UBR2: variants seen among roughly 807,000 people sequenced by gnomAD.
UBR2 encodes the protein ubiquitin protein ligase E3 component n-recognin 2.
Under a neutral mutation model 247.9 loss-of-function variants are expected in UBR2, and 92 were observed. That is an observed-to-expected ratio of 0.37 (90% CI 0.31 to 0.44). The LOEUF (loss-of-function observed/expected upper bound fraction) is 0.44. Among genes scored for constraint, UBR2 ranks in the 20% least tolerant of loss-of-function variants. The pLI is 1.00. For synonymous variants in UBR2, 672 were observed against 693.5 expected, an observed-to-expected ratio of 0.97 and a Z score of 0.49; for missense variants, 1,613 against 2,112.6, an observed-to-expected ratio of 0.76 and a Z score of 4.64.
intron 28 of UBR2, 44 bp downstream of exon 28, chr6:42,658,364 A>G: frequency 6.5e-7 from 1 of 1,540,490 alleles, no homozygotes; most frequent in Non-Finnish European, 8.8e-7. Context: ...AATTACAGCA[A>G]GTTCAGTATG....
chr6:42,639,468 C>A (rs145886492), intron 15 of UBR2, among the ~76,000 whole-genome samples: 1 of 152,324 alleles, frequency 6.6e-6, no homozygotes, highest in Non-Finnish European at 1.5e-5. Context: ...TGGAGTGCAC[C>A]TGTAGTCCCA....
intron 26 of UBR2, among the ~76,000 whole-genome samples, chr6:42,657,521 A>G (rs756653079): frequency 1.6e-4 from 25 of 152,232 alleles, no homozygotes; most frequent in Admixed American, 2.6e-4. Flanking sequence ...AAGAAAATCA[A>G]TAGTTGAACT....
chr6:42,678,593 A>G lies in UBR2; in HGVS notation c.4533A>G (p.Gly1511=). 1.2e-6 allele frequency: 2 copies of G among 1,614,026 alleles called. No individual in the cohort carries two copies. Among genetic ancestry groups the G allele is most frequent in the Non-Finnish European group, 1.7e-6 (2 of 1,179,950 alleles). Residue 1511 remains glycine, a synonymous_variant, in exon 41 of 47, where the codon GGA becomes GGG. Transcript: ENST00000372901. ...ATCTGTGGAGGAGTGTCAGAGCTGGAATCATGCCTTTCCTGAAGTGTTCTG... is the reference window on the plus strand; with the variant it reads ...ATCTGTGGAGGAGTGTCAGAGCTGGGATCATGCCTTTCCTGAAGTGTTCTG... ...GWHLWRSVRA[G]IMPFLKCSAL... is the part of the protein sequence containing the mutation.
At chr6:42,650,223 T>C in intron 22 of UBR2, 61 bp from the exon 23 acceptor site, 1 of 1,351,060 alleles carries the variant, frequency 7.4e-7, no homozygotes, top group Non-Finnish European at 1.0e-6. Context: ...TATCCAAGAC[T>C]ATCTCTCATA....
chr6:42,686,245 T>C (rs1799387224), intron 44 of UBR2, among the ~76,000 whole-genome samples: 1 of 152,164 alleles, frequency 6.6e-6, no homozygotes, highest in Admixed American at 6.5e-5. Context: ...AGTGTTTGTG[T>C]CCCTGGGTAC....
intron 8 of UBR2, among the ~76,000 whole-genome samples, chr6:42,613,340 AAAG>A (rs1689795928): frequency 6.6e-6 from 1 of 152,222 alleles, no homozygotes; most frequent in Admixed American, 6.6e-5. Context: ...GGCTTTTAGA[AAAG>A]AGCATTACTA....
intron 2 of UBR2, among the ~76,000 whole-genome samples, chr6:42,582,851 T>C (rs982802566): frequency 1.3e-5 from 2 of 152,172 alleles, no homozygotes; most frequent in African/African-American, 4.8e-5. Flanking sequence ...AGTTCTTTTT[T>C]TCTTTTTAAA....
chr6:42,587,833 C>A (rs1792392864), intron 2 of UBR2, among the ~76,000 whole-genome samples: 1 of 151,290 alleles, frequency 6.6e-6, no homozygotes, highest in South Asian at 2.1e-4. Context: ...CTGAATGTGC[C>A]CGATCTCATC....
intron 15 of UBR2, among the ~76,000 whole-genome samples, chr6:42,638,119 A>C (rs1012919452): frequency 6.6e-6 from 1 of 152,172 alleles, no homozygotes; most frequent in African/African-American, 2.4e-5. Flanking sequence ...CAGTGAAGTC[A>C]TCTCATCTGA....
chr6:42,687,610 G>C lies in UBR2; in HGVS notation c.4854-606G>C, dbSNP rs908812525. On this transcript the variant is annotated intron_variant, in intron 44 of 46. Transcript: ENST00000372901. ...GGCTGGAGTGCAGTGGTGTGATCTT[G>C]GCTCACAGCAACCTCCGCCTCCCAG... is the stretch of plus-strand genomic sequence containing the variant. 2.0e-5 allele frequency among the ~76,000 whole-genome samples: 3 copies of C among 151,992 alleles called. No individual in the cohort carries two copies. In the South Asian group the frequency reaches 6.2e-4, roughly 32 times the overall value.
intron 20 of UBR2, among the ~76,000 whole-genome samples, chr6:42,644,805 G>T (rs1461848046): frequency 6.6e-6 from 1 of 152,050 alleles, no homozygotes; most frequent in Non-Finnish European, 1.5e-5. Flanking sequence ...TAGGGGGAGC[G>T]GGGGACAGGA....
chr6:42,609,616 G>A lies in UBR2; in HGVS notation c.865-2555G>A, dbSNP rs778841138. Reference sequence around the variant, plus strand: ...TTAAAAAGTGTTGGCCAAGCACATCGGCTCACTCCTGTAATCCCAGCATTT... The same window carrying A: ...TTAAAAAGTGTTGGCCAAGCACATCAGCTCACTCCTGTAATCCCAGCATTT... On this transcript the variant is annotated intron_variant, in intron 7 of 46. Transcript: ENST00000372901. Among the ~76,000 whole-genome samples the A allele has an allele frequency of 2.0e-4, 30 of 151,848 alleles. 1 individual carries two copies. The South Asian group carries it at 2.1e-3, about 11-fold the overall frequency.
rs572349388 is a variant in UBR2, at chr6:42,602,763, T to C, written c.532-825T>C. Among the ~76,000 whole-genome samples, 5 of 149,180 alleles carry C rather than the reference T, an allele frequency of 3.4e-5. No individual in the cohort carries two copies. The South Asian group carries it at 1.1e-3, about 31-fold the overall frequency. ...GTTTTATTTTTATGCTGTGTGTGCG[T>C]GTGTGTGTGTGTGTGTGTATTTATT... is the stretch of plus-strand genomic sequence containing the variant. On this transcript the variant is annotated intron_variant, in intron 4 of 46. Coordinates refer to ENST00000372901, the MANE Select transcript of UBR2 (RefSeq NM_001363705.2).
At chr6:42,678,495 C>CT in intron 40 of UBR2, 44 bp from the exon 41 acceptor site, 1 of 1,588,778 alleles carries the variant, frequency 6.3e-7, no homozygotes, top group Non-Finnish European at 8.5e-7. Context: ...GTACAGTGAC[C>CT]TTTTCTTAGT....
Position 42,659,558 on chromosome 6 carries a change from CA to C in UBR2, c.3243-97del, listed in dbSNP as rs1797677539. 2 of 736,546 alleles carry C rather than the reference CA, an allele frequency of 2.7e-6. No individual in the cohort carries two copies. Among genetic ancestry groups the C allele is most frequent in the Non-Finnish European group, 4.4e-6 (2 of 456,980 alleles). 45.6% of individuals were successfully genotyped at this position (736,546 alleles called of 1,614,324 possible). A position where few individuals can be genotyped will look rare whatever the true frequency, so the allele number is the denominator to read the frequency against. On this transcript the variant is annotated intron_variant, in intron 29 of 46. Coordinates refer to ENST00000372901, the MANE Select transcript of UBR2 (RefSeq NM_001363705.2). The surrounding 1 kb of genome is among the most constrained non-coding windows in gnomAD (Gnocchi z 4.3). Reference sequence around the variant, plus strand: ...ACACACACACACACACACACACACACACACTACACACACACACACATACCTG... The same window carrying C: ...ACACACACACACACACACACACACACCACTACACACACACACACATACCTG...
intron 20 of UBR2, among the ~76,000 whole-genome samples, chr6:42,644,899 T>C (rs997711985): frequency 6.6e-6 from 1 of 152,154 alleles, no homozygotes; most frequent in Non-Finnish European, 1.5e-5. Flanking sequence ...CATGGGTTTG[T>C]GGTACAAAAG....
chr6:42,674,184 T>C lies in UBR2; in HGVS notation c.4242T>C (p.Phe1414=). ...CATGCATATTAGATATTGACATGTT[T>C]CATTTATTGGTGGGTATTGTGCAGT... The part of the protein sequence containing the change: ...ELPCILDIDM[F]HLLVGLVLAF... Residue 1414 remains phenylalanine (F), a synonymous_variant, in exon 38 of 47, where the codon TTT becomes TTC. Coordinates refer to ENST00000372901, the MANE Select transcript of UBR2 (RefSeq NM_001363705.2). The C allele has an allele frequency of 6.2e-7, 1 of 1,613,884 alleles. No homozygotes were observed. The highest frequency in any genetic ancestry group is 8.5e-7 in the Non-Finnish European group (1 of 1,179,928).
At chr6:42,565,660 A>G (rs1790737758) in intron 1 of UBR2, among the ~76,000 whole-genome samples, 1 of 152,136 alleles carries the variant, frequency 6.6e-6, no homozygotes, top group Non-Finnish European at 1.5e-5. Context: ...TCCCGGGTTC[A>G]AGCGATTCTG....
chr6:42,658,960 C>G (rs919340552), intron 29 of UBR2, 136 bp downstream of exon 29: 1 of 972,610 alleles, frequency 1.0e-6, no homozygotes, highest in African/African-American at 1.7e-5. Flanking sequence ...TTTGTGACCT[C>G]CATTTAGAAG....
Sources: allele counts gnomAD v4.1 joint callset (sites outside exome capture counted in the v4.1 genomes callset), GRCh38; gene constraint gnomAD v4.1.1; non-coding constraint Gnocchi (gnomAD v3.1); transcripts MANE v1.5; gene names NCBI Gene and HGNC (gene_info 2026-07-23, HGNC 2026-07-21).